MAPK10: variants seen among roughly 807,000 people sequenced by gnomAD.
MAPK10 encodes JNK3 alpha protein kinase.
A neutral mutation model predicts 59.3 loss-of-function variants in MAPK10; 25 were observed. The ratio of observed to expected loss-of-function variants is 0.42; its 90% CI spans 0.31 to 0.59. MAPK10 has a LOEUF of 0.59. MAPK10 is among the 20% of genes least tolerant of loss of function. The pLI is 0.15. For synonymous variants in MAPK10, 190 were observed against 200.5 expected, an observed-to-expected ratio of 0.95 and a Z score of 0.44; for missense variants, 351 against 568.9, an observed-to-expected ratio of 0.62 and a Z score of 3.90.
chr4:86,244,256 A>C (rs2092933718), intron 2 of MAPK10, among the ~76,000 whole-genome samples: 1 of 152,012 alleles, frequency 6.6e-6, no homozygotes, highest in African/African-American at 2.4e-5. Flanking sequence ...TTACGAAAAC[A>C]CTCAAAAAAA....
intron 2 of MAPK10, among the ~76,000 whole-genome samples, chr4:86,278,507 G>T (rs1294396691): frequency 6.6e-6 from 1 of 152,048 alleles, no homozygotes. Flanking sequence ...GGATCTATAT[G>T]AGTTGAAGGT....
intron 1 of MAPK10, among the ~76,000 whole-genome samples, chr4:86,534,863 G>A (rs558815877): frequency 6.6e-5 from 10 of 152,174 alleles, no homozygotes; most frequent in African/African-American, 1.2e-4. Flanking sequence ...CCGAGATCGC[G>A]CCAATGCACT....
chr4:86,136,987 A>C (rs201619791), intron 4 of MAPK10, among the ~76,000 whole-genome samples: 1 of 152,176 alleles, frequency 6.6e-6, no homozygotes, highest in Non-Finnish European at 1.5e-5. Context: ...AGAGCTAACT[A>C]TCCTAAATAT....
At chr4:86,130,582 CT>C (rs1580849630) in intron 4 of MAPK10, among the ~76,000 whole-genome samples, 1 of 152,254 alleles carries the variant, frequency 6.6e-6, no homozygotes, top group East Asian at 1.9e-4. Flanking sequence ...GCAAGATTGG[CT>C]TACATACGAT....
At chr4:86,537,336 TTATA>T in intron 1 of MAPK10, among the ~76,000 whole-genome samples, 1 of 152,296 alleles carries the variant, frequency 6.6e-6, no homozygotes. Flanking sequence ...CCAGTGTTAT[TTATA>T]TAAAGGGAAA....
chr4:86,312,801 A>G (rs2095696192), intron 2 of MAPK10, among the ~76,000 whole-genome samples: 1 of 152,244 alleles, frequency 6.6e-6, no homozygotes, highest in Non-Finnish European at 1.5e-5. Context: ...TCAGTCTTAC[A>G]CTTAAAAACT....
At chr4:86,591,879 T>C (rs932547783) in intron 1 of MAPK10, among the ~76,000 whole-genome samples, 1 of 152,148 alleles carries the variant, frequency 6.6e-6, no homozygotes, top group Non-Finnish European at 1.5e-5. Flanking sequence ...GTGAACATTC[T>C]TGCCTTGTAC....
intron 2 of MAPK10, among the ~76,000 whole-genome samples, chr4:86,250,873 CTA>C (rs1369405651): frequency 6.6e-6 from 1 of 152,126 alleles, no homozygotes; most frequent in African/African-American, 2.4e-5. Context: ...TAGGAGAAAA[CTA>C]TTATTTTTCC....
intron 9 of MAPK10, among the ~76,000 whole-genome samples, chr4:86,093,743 T>A (rs992252003): frequency 7.2e-5 from 11 of 152,024 alleles, no homozygotes; most frequent in African/African-American, 2.2e-4. Flanking sequence ...TTTATTTCTT[T>A]ACAACCTCAG....
chr4:86,285,977 G>C (rs2148810889), intron 2 of MAPK10, among the ~76,000 whole-genome samples: 1 of 152,292 alleles, frequency 6.6e-6, no homozygotes, highest in South Asian at 2.1e-4. Context: ...CAACAGATTG[G>C]ATGACTCCCA....
chr4:86,547,379 AC>A (rs1759298687), intron 1 of MAPK10, among the ~76,000 whole-genome samples: 1 of 152,110 alleles, frequency 6.6e-6, no homozygotes, highest in South Asian at 2.1e-4. Context: ...GGCTCTGCGG[AC>A]CCGCACTCCC....
intron 11 of MAPK10, among the ~76,000 whole-genome samples, chr4:86,053,592 A>G (rs112402275): frequency 1.3e-5 from 2 of 152,276 alleles, no homozygotes; most frequent in African/African-American, 4.8e-5. Context: ...AAAATTTGGT[A>G]AATTTTAGTT....
chr4:86,579,987 T>C (rs1361488122), intron 1 of MAPK10, among the ~76,000 whole-genome samples: 1 of 151,958 alleles, frequency 6.6e-6, no homozygotes, highest in Non-Finnish European at 1.5e-5. Context: ...TAATTATTTT[T>C]ATTTTTTGTA....
intron 2 of MAPK10, among the ~76,000 whole-genome samples, chr4:86,299,310 G>C (rs2095426004): frequency 6.6e-6 from 1 of 152,184 alleles, no homozygotes; most frequent in Admixed American, 6.5e-5. Context: ...GCTATGGTCT[G>C]AATGTCTATG....
Position 86,372,564 on chromosome 4 carries a change from G to GAAAGAAAGAAAGGAAAAGAAAAGAAAAGA in MAPK10, c.-121-17921_-121-17920insTCTTTTCTTTTCTTTTCCTTTCTTTCTTT. ...AGAAAGAAAGAAAGAAAGAAAGAAA[G>GAAAGAAAGAAAGGAAAAGAAAAGAAAAGA]AAAGAAAAGAAAAGAAAAGAAAAGA... On this transcript the variant is annotated intron_variant, in intron 1 of 13. Transcript: ENST00000361569. Among the ~76,000 whole-genome samples, 143 of 78,702 alleles carry GAAAGAAAGAAAGGAAAAGAAAAGAAAAGA rather than the reference G, an allele frequency of 1.8e-3. 7 individuals are homozygous for GAAAGAAAGAAAGGAAAAGAAAAGAAAAGA. The highest frequency in any genetic ancestry group is 4.5e-3 in the African/African-American group (101 of 22,574). The allele number at this position is 78,702 out of a possible 152,430, so 51.6% of individuals were successfully genotyped here.
intron 1 of MAPK10, among the ~76,000 whole-genome samples, chr4:86,409,964 A>G (rs1245871132): frequency 1.3e-5 from 2 of 152,208 alleles, no homozygotes; most frequent in East Asian, 3.8e-4. Flanking sequence ...GAGGGAAGGC[A>G]TCCTTGTCTT....
chr4:86,312,525 G>A (rs376355550), intron 2 of MAPK10, among the ~76,000 whole-genome samples: 5 of 152,038 alleles, frequency 3.3e-5, no homozygotes, highest in Non-Finnish European at 5.9e-5. Context: ...AATACTGTCC[G>A]AAAATTAGAA....
intron 11 of MAPK10, among the ~76,000 whole-genome samples, chr4:86,033,962 G>A (rs911515526): frequency 6.6e-5 from 10 of 152,030 alleles, no homozygotes; most frequent in Non-Finnish European, 1.3e-4. Flanking sequence ...GCCTCCTTCC[G>A]CTAAGGAGAA....
At chr4:86,444,064 A>C (rs376248161) in intron 1 of MAPK10, among the ~76,000 whole-genome samples, 3 of 152,078 alleles carry the variant, frequency 2.0e-5, no homozygotes, top group Non-Finnish European at 4.4e-5. Flanking sequence ...AAAACAAAAA[A>C]CAGAACATCC....
Sources: gnomAD v4.1 joint callset for allele counts (sites outside exome capture counted in the v4.1 genomes callset) on GRCh38, gnomAD v4.1.1 for gene constraint, MANE v1.5 for transcripts, NCBI Gene and HGNC (gene_info 2026-07-23, HGNC 2026-07-21) for gene names.